The following KIAA1549L variants were observed in gnomAD, a reference collection of about 807,000 sequenced individuals.
The protein encoded by KIAA1549L is UPF0606 protein KIAA1549L.
KIAA1549L carries 88 observed loss-of-function variants against 160.7 expected under a neutral mutation model. That is an observed-to-expected ratio of 0.55 (90% confidence interval 0.46 to 0.65). The LOEUF is 0.65. KIAA1549L is among the 30% of genes least tolerant of loss of function. The pLI, the probability that KIAA1549L is intolerant of heterozygous loss-of-function variation, is 0.00. For synonymous variants in KIAA1549L, 950 were observed against 976.7 expected, an observed-to-expected ratio of 0.97 and a Z score of 0.51; for missense variants, 2,258 against 2,437.5, an observed-to-expected ratio of 0.93 and a Z score of 1.55.
intron 1 of KIAA1549L, among the ~76,000 whole-genome samples, chr11:33,427,079 C>T (rs1054866667): frequency 4.6e-5 from 7 of 152,296 alleles, no homozygotes; most frequent in South Asian, 4.1e-4. Flanking sequence ...GAAAACCACA[C>T]GACCAGGCTC....
chr11:33,632,035 G>A (rs1289002656), intron 16 of KIAA1549L, among the ~76,000 whole-genome samples: 1 of 152,208 alleles, frequency 6.6e-6, no homozygotes, highest in Non-Finnish European at 1.5e-5. Context: ...ATAGGCTGAT[G>A]TCCATTGCCA....
intron 1 of KIAA1549L, among the ~76,000 whole-genome samples, chr11:33,446,443 G>T (rs569508722): frequency 6.6e-6 from 1 of 152,198 alleles, no homozygotes; most frequent in South Asian, 2.1e-4. Flanking sequence ...AAAGAACTCT[G>T]TGGTTGGTGT....
At chr11:33,455,456 G>C (rs1260146497) in intron 1 of KIAA1549L, among the ~76,000 whole-genome samples, 3 of 152,110 alleles carry the variant, frequency 2.0e-5, no homozygotes, top group Non-Finnish European at 4.4e-5. Context: ...GATTCCTGGG[G>C]GCTGGTGTAG....
chr11:33,441,087 C>G (rs1851493493), intron 1 of KIAA1549L, among the ~76,000 whole-genome samples: 1 of 143,844 alleles, frequency 7.0e-6, no homozygotes, highest in African/African-American at 2.6e-5. Context: ...TACCTCACAA[C>G]AGTCCCCAGT....
intron 1 of KIAA1549L, among the ~76,000 whole-genome samples, chr11:33,425,136 T>A (rs1401185776): frequency 6.6e-6 from 1 of 152,244 alleles, no homozygotes; most frequent in African/African-American, 2.4e-5. Context: ...TAATATGTGC[T>A]CTAATTCCAT....
intron 1 of KIAA1549L, among the ~76,000 whole-genome samples, chr11:33,378,743 G>A (rs1046452012): frequency 1.3e-5 from 2 of 152,078 alleles, no homozygotes; most frequent in Admixed American, 1.3e-4. Flanking sequence ...TGAGCTCCAT[G>A]GTTTTCTGTG....
chr11:33,588,728 C>T (rs370650957), intron 11 of KIAA1549L, among the ~76,000 whole-genome samples: 2 of 152,322 alleles, frequency 1.3e-5, no homozygotes, highest in East Asian at 3.9e-4. Context: ...ACAGAGACCA[C>T]CTTCCCTCAG....
intron 15 of KIAA1549L, among the ~76,000 whole-genome samples, chr11:33,614,568 ATATATATATATATATAT>A (rs1850749910): frequency 6.8e-5 from 1 of 14,660 alleles, no homozygotes; most frequent in African/African-American, 8.2e-4. Flanking sequence ...ATATATATAT[ATATATATATATATATAT>A]TTTTTTTTTT....
At chr11:33,440,503 G>C (rs900489792) in intron 1 of KIAA1549L, among the ~76,000 whole-genome samples, 3 of 152,122 alleles carry the variant, frequency 2.0e-5, no homozygotes, top group Non-Finnish European at 4.4e-5. Context: ...TTAAACATGT[G>C]TATTAATTTA....
At chr11:33,626,409 ATTTG>A (rs879565064) in intron 16 of KIAA1549L, among the ~76,000 whole-genome samples, 4,747 of 150,272 alleles carry the variant, frequency 0.032, 295 homozygotes, top group African/African-American at 0.1. Flanking sequence ...ATATTCTTCC[ATTTG>A]TTTGTATCCT....
chr11:33,474,651 T>A (rs533773371), intron 1 of KIAA1549L, among the ~76,000 whole-genome samples: 1 of 152,196 alleles, frequency 6.6e-6, no homozygotes. Context: ...ACTTCCTCAT[T>A]TGTAAAAGAG....
At chr11:33,425,388 G>C (rs1851095718) in intron 1 of KIAA1549L, among the ~76,000 whole-genome samples, 1 of 152,156 alleles carries the variant, frequency 6.6e-6, no homozygotes. Flanking sequence ...ATGTTCCTGT[G>C]TCACTGTGAT....
chr11:33,608,613 TA>T (rs772925456), intron 14 of KIAA1549L, among the ~76,000 whole-genome samples: 6 of 152,266 alleles, frequency 3.9e-5, no homozygotes, highest in Non-Finnish European at 7.3e-5. Context: ...CATCCCAGCT[TA>T]ATGATGTGCA....
chr11:33,557,297 G>T (rs1222290706), intron 6 of KIAA1549L, among the ~76,000 whole-genome samples: 1 of 152,104 alleles, frequency 6.6e-6, no homozygotes, highest in African/African-American at 2.4e-5. Context: ...CCAGGATGTG[G>T]TTTTGTTGAG....
At chr11:33,587,531 G>C (rs889477904) in intron 11 of KIAA1549L, among the ~76,000 whole-genome samples, 1 of 152,202 alleles carries the variant, frequency 6.6e-6, no homozygotes, top group Non-Finnish European at 1.5e-5. Flanking sequence ...TACCTCACAG[G>C]TTTGTTGGAG....
At chr11:33,587,561 G>A (rs966574225) in intron 11 of KIAA1549L, among the ~76,000 whole-genome samples, 1 of 152,232 alleles carries the variant, frequency 6.6e-6, no homozygotes, top group African/African-American at 2.4e-5. Flanking sequence ...AGATAACAGT[G>A]TTTTGCATGC....
chr11:33,658,901 G>A lies in KIAA1549L; in HGVS notation c.6007+3G>A, dbSNP rs760504417. ...TCAGTCGGCTTTAAATTACTCAGGT[G>A]GGCAAGAGAAAAGCCCGAGTGTGCC... On this transcript the variant is annotated splice_donor_region_variant and intron_variant, in intron 19 of 20. Transcript: ENST00000658780. The A allele has an allele frequency of 2.6e-6, 4 of 1,547,454 alleles. No homozygotes were observed. The highest frequency in any genetic ancestry group is 3.5e-6 in the Non-Finnish European group (4 of 1,144,786).
At chr11:33,569,708 G>A (rs1855179773) in intron 9 of KIAA1549L, among the ~76,000 whole-genome samples, 1 of 152,164 alleles carries the variant, frequency 6.6e-6, no homozygotes, top group African/African-American at 2.4e-5. Flanking sequence ...TGTTGCTTTG[G>A]TTCTAAAAGT....
At chr11:33,487,536 A>G (rs1351142438) in intron 1 of KIAA1549L, among the ~76,000 whole-genome samples, 2 of 150,980 alleles carry the variant, frequency 1.3e-5, no homozygotes, top group Non-Finnish European at 2.9e-5. Flanking sequence ...GCAAAGTTCT[A>G]GCATCTCAGC....
Sources: gnomAD v4.1 joint callset for allele counts (sites outside exome capture counted in the v4.1 genomes callset) on GRCh38, gnomAD v4.1.1 for gene constraint, MANE v1.5 for transcripts, NCBI Gene and HGNC (gene_info 2026-07-23, HGNC 2026-07-21) for gene names.